The following PDE6A variants were observed in gnomAD, a reference collection of about 807,000 sequenced individuals.
The protein encoded by PDE6A is phosphodiesterase 6A.
PDE6A carries 84 observed loss-of-function variants against 106.3 expected under a neutral mutation model. That is an observed-to-expected ratio of 0.79 (90% CI 0.66 to 0.95). PDE6A has a LOEUF of 0.95. Ranked by LOEUF, PDE6A falls within the 40% of genes least tolerant of loss-of-function variation. PDE6A has a pLI of 0.00. For synonymous variants in PDE6A, 394 were observed against 386.6 expected, an observed-to-expected ratio of 1.02 and a Z score of -0.23; for missense variants, 1,052 against 1,084.9, an observed-to-expected ratio of 0.97 and a Z score of 0.43.
intron 21 of PDE6A, among the ~76,000 whole-genome samples, chr5:149,862,425 G>A (rs1221150443): frequency 6.6e-6 from 1 of 152,200 alleles, no homozygotes; most frequent in Non-Finnish European, 1.5e-5. Flanking sequence ...GGTATAGATA[G>A]GATTCAAACA....
At chr5:149,911,509 G>T (rs1420619812) in intron 6 of PDE6A, among the ~76,000 whole-genome samples, 1 of 152,030 alleles carries the variant, frequency 6.6e-6, no homozygotes, top group Non-Finnish European at 1.5e-5. Context: ...TTTGACTATG[G>T]TTATGACCGA....
At position 149,858,687 on chromosome 5, in the gene PDE6A, G is replaced by A. The variant is rs552738666; in HGVS notation, c.*2208C>T. On this transcript the variant is annotated 3_prime_UTR_variant, in exon 22 of 22. Coordinates refer to ENST00000255266, the MANE Select transcript of PDE6A (RefSeq NM_000440.3). ...CACCGCTGCTTGGTAAGCTGAGATG[G>A]AGGATTGCTTGAGCCCGGGCAGCTG... 2.0e-5 allele frequency: 3 copies of A among 152,388 alleles called. No homozygotes were observed. The highest frequency in any genetic ancestry group is 4.4e-5 in the Non-Finnish European group (3 of 68,154). 9.4% of individuals were successfully genotyped at this position (152,388 alleles called of 1,614,324 possible).
At chr5:149,884,348 G>GTA (rs1200627677) in intron 16 of PDE6A, 131 bp downstream of exon 16, 1 of 667,132 alleles carries the variant, frequency 1.5e-6, no homozygotes, top group African/African-American at 1.8e-5. Flanking sequence ...ATATATGTGT[G>GTA]TATATATGTG....
intron 2 of PDE6A, 54 bp from the exon 3 acceptor site, chr5:149,934,073 T>C: frequency 2.0e-6 from 2 of 982,722 alleles, no homozygotes; most frequent in Non-Finnish European, 3.3e-6. Flanking sequence ...ATCCATCCTC[T>C]GGCTACTTTT....
chr5:149,885,979 G>A (rs931469915), intron 14 of PDE6A, among the ~76,000 whole-genome samples: 2 of 152,134 alleles, frequency 1.3e-5, no homozygotes, highest in African/African-American at 2.4e-5. Flanking sequence ...GGGCCCACTC[G>A]AATGAATAAT....
intron 17 of PDE6A, among the ~76,000 whole-genome samples, chr5:149,879,415 T>C (rs1760849614): frequency 1.4e-5 from 2 of 146,312 alleles, no homozygotes. Context: ...TTTTTTTTTT[T>C]AGGTTTTTTT....
In PDE6A at chr5:149,944,156, T is replaced by C. The variant is rs186671752; in HGVS notation, c.474+44A>G. 2.6e-4 allele frequency: 387 copies of C among 1,504,338 alleles called. 1 individual carries two copies. The East Asian group carries it at 7.1e-3, about 28-fold the overall frequency. 93.2% of individuals were successfully genotyped at this position (1,504,338 alleles called of 1,614,324 possible). On this transcript the variant is annotated intron_variant, in intron 1 of 21. Coordinates refer to ENST00000255266, the MANE Select transcript of PDE6A (RefSeq NM_000440.3). ...ACCCCACCTGTACCCCAGAACTCCA[T>C]GTAATAATGCCCCATGCCCTCTCTC... is the stretch of plus-strand genomic sequence containing the variant.
At chr5:149,870,445 A>T (rs1760491696) in intron 17 of PDE6A, among the ~76,000 whole-genome samples, 1 of 152,198 alleles carries the variant, frequency 6.6e-6, no homozygotes, top group South Asian at 2.1e-4. Context: ...TCAGCTATGC[A>T]TATAAGAGTC....
chr5:149,885,552 G>A (rs1752263727), intron 14 of PDE6A, among the ~76,000 whole-genome samples: 1 of 152,182 alleles, frequency 6.6e-6, no homozygotes, highest in East Asian at 1.9e-4. Flanking sequence ...CTGGCATAGA[G>A]CCTACCACAC....
At position 149,895,267 on chromosome 5, in the gene PDE6A, G is replaced by A; in HGVS notation, c.1644C>T (p.Ser548=). 6.2e-7 allele frequency: 1 copy of A among 1,613,736 alleles called. No homozygotes were observed. Residue 548 remains serine (S), a synonymous_variant, in exon 13 of 22, where the codon TCC becomes TCT. Coordinates refer to ENST00000255266, the MANE Select transcript of PDE6A (RefSeq NM_000440.3). ...TGATCTTGCGGTAGCCCTTACTCAG[G>A]GAGTACATGAACCGCACCAGGGCCT... ...PQEALVRFMY[S]LSKGYRKITY...
At chr5:149,867,360 C>T (rs1041979854) in intron 19 of PDE6A, 1 of 377,594 alleles carries the variant, frequency 2.6e-6, no homozygotes, top group Admixed American at 3.7e-5. Context: ...GACTTCTAGA[C>T]CTTTGAAATT....
chr5:149,889,250 G>A (rs1197825912), intron 13 of PDE6A, among the ~76,000 whole-genome samples: 2 of 151,830 alleles, frequency 1.3e-5, no homozygotes, highest in African/African-American at 4.8e-5. Context: ...GCTGTTAACA[G>A]GAAATTTATC....
chr5:149,909,484 G>T (rs140600893), intron 6 of PDE6A, among the ~76,000 whole-genome samples: 3 of 152,166 alleles, frequency 2.0e-5, no homozygotes, highest in Non-Finnish European at 4.4e-5. Flanking sequence ...GCCAGAAGTG[G>T]TAGTAGCTCC....
At chr5:149,873,779 A>T (rs1760640454) in intron 17 of PDE6A, among the ~76,000 whole-genome samples, 1 of 152,162 alleles carries the variant, frequency 6.6e-6, no homozygotes. Flanking sequence ...CAGAAGCAAA[A>T]TCTGGAATTA....
Position 149,863,214 on chromosome 5 carries a change from T to C in PDE6A, c.2411A>G (p.Asn804Ser), listed in dbSNP as rs138949704. The C allele has an allele frequency of 1.9e-5, 30 of 1,614,182 alleles. No homozygotes were observed. The African/African-American group carries it at 3.7e-4, about 20-fold the overall frequency. Residue 804 changes from asparagine (N) to serine (S), a missense_variant, in exon 21 of 22, where the codon AAC (asparagine) becomes AGC (serine). Asn to Ser is a conservative substitution (Grantham distance 46). Transcript: ENST00000255266. This position sits in a 1 kb window ranked among gnomAD's most constrained non-coding sequence, Gnocchi z 4.7. ...EITPMLDGITNNRKEWKALAD... is the reference protein window; with the variant it reads ...EITPMLDGITSNRKEWKALAD... Reference sequence around the variant, plus strand: ...AAGCGCCTTCCACTCCTTGCGATTGTTGGTGATCCCGTCCAACATTGGGGT... The same window carrying C: ...AAGCGCCTTCCACTCCTTGCGATTGCTGGTGATCCCGTCCAACATTGGGGT...
intron 21 of PDE6A, among the ~76,000 whole-genome samples, chr5:149,861,903 A>T (rs1760157989): frequency 6.6e-6 from 1 of 152,244 alleles, no homozygotes; most frequent in African/African-American, 2.4e-5. Flanking sequence ...ATTTCCCAGG[A>T]TACCTCACTG....
intron 11 of PDE6A, 101 bp from the exon 12 acceptor site, chr5:149,896,603 C>G: frequency 1.2e-6 from 2 of 1,613,718 alleles, no homozygotes; most frequent in South Asian, 2.2e-5. Flanking sequence ...CTGGAAGGAT[C>G]AGAACAGAGT....
intron 13 of PDE6A, among the ~76,000 whole-genome samples, chr5:149,893,847 G>T (rs962190036): frequency 2.6e-5 from 4 of 152,112 alleles, no homozygotes; most frequent in African/African-American, 9.7e-5. Flanking sequence ...ATTTGGCCAG[G>T]CTCACTCATG....
Position 149,931,057 on chromosome 5 carries a change from C to G in PDE6A, c.829G>C (p.Val277Leu). 6.2e-7 allele frequency: 1 copy of G among 1,614,114 alleles called. No individual in the cohort carries two copies. The highest frequency in any genetic ancestry group is 8.5e-7 in the Non-Finnish European group (1 of 1,179,998). The change falls in exon 4 of 22, where the codon GTG becomes CTG. Residue 277 changes from valine (V) to leucine (L), a missense_variant. Coordinates refer to ENST00000255266, the MANE Select transcript of PDE6A (RefSeq NM_000440.3). ...TGCTTGGTCATGTCTAAGAGACCCA[C>G]AGAGTATCTGTCACAGTTGAGGAAA... ...RAFLNCDRYS[V>L]GLLDMTKQKE...
Sources: allele counts gnomAD v4.1 joint callset (sites outside exome capture counted in the v4.1 genomes callset), GRCh38; gene constraint gnomAD v4.1.1; non-coding constraint Gnocchi (gnomAD v3.1); transcripts MANE v1.5; gene names NCBI Gene and HGNC (gene_info 2026-07-23, HGNC 2026-07-21).